Variants in BICD1 observed in about 807,000 individuals in gnomAD.
BICD1 encodes the protein protein bicaudal D homolog 1.
Under a neutral mutation model 92.5 loss-of-function variants are expected in BICD1, and 35 were observed. The ratio of observed to expected loss-of-function variants is 0.38; its 90% CI spans 0.29 to 0.50. The LOEUF is 0.50. BICD1 is among the 20% of genes least tolerant of loss of function. BICD1 has a pLI of 0.93. For synonymous variants in BICD1, 429 were observed against 465.1 expected (o/e 0.92, Z 1.00); for missense variants, 950 against 1,189.8 (o/e 0.80, Z 2.97).
intron 1 of BICD1, among the ~76,000 whole-genome samples, chr12:32,116,510 C>CTCTCTA (rs1233964108): frequency 1.8e-4 from 19 of 104,402 alleles, no homozygotes; most frequent in South Asian, 6.7e-4. Context: ...CTCTCTCTCT[C>CTCTCTA]TATATATATA....
chr12:32,132,412 T>C (rs943301831), intron 1 of BICD1, among the ~76,000 whole-genome samples: 1 of 101,122 alleles, frequency 9.9e-6, no homozygotes, highest in African/African-American at 2.9e-5. Flanking sequence ...CGAGACTCTG[T>C]CTCAAAAAAA....
chr12:32,107,689 A>G, intron 1 of BICD1, 145 bp downstream of exon 1: 1 of 935,314 alleles, frequency 1.1e-6, no homozygotes, highest in Non-Finnish European at 1.7e-6. Flanking sequence ...AGAAGATTGA[A>G]AGAGTCCATT....
chr12:32,366,430 A>G (rs1939527128), intron 8 of BICD1, among the ~76,000 whole-genome samples: 1 of 152,162 alleles, frequency 6.6e-6, no homozygotes, highest in African/African-American at 2.4e-5. Flanking sequence ...GACCAGCCTG[A>G]CCAATATGGT....
rs770418190 is a variant in BICD1 at position 32,306,003 on chromosome 12, C to A, written c.886C>A (p.Leu296Met). The change falls in exon 4 of 10, where the codon CTG becomes ATG. Residue 296 changes from leucine (L) to methionine (M), a missense_variant. Leu to Met is a conservative substitution (Grantham distance 15). Around this residue, in one of 5 missense-constraint regions of BICD1, gnomAD observed 246 missense variants for 258.4 expected, o/e 0.95. Transcript: ENST00000652176. ...NGHIHGPLVK[L>M]NGDYRTPTLR... ...TCATATCCATGGGCCTCTTGTGAAA[C>A]TGAATGGAGACTATCGGACTCCCAC... 2.5e-6 allele frequency: 4 copies of A among 1,614,146 alleles called. No homozygotes were observed. Among genetic ancestry groups the A allele is most frequent in the Non-Finnish European group, 3.4e-6 (4 of 1,180,032 alleles).
chr12:32,231,253 T>A (rs781559825), intron 2 of BICD1, among the ~76,000 whole-genome samples: 7 of 151,986 alleles, frequency 4.6e-5, no homozygotes, highest in Non-Finnish European at 7.4e-5. Flanking sequence ...GAGGTCAAGG[T>A]GAGTGGATCA....
At position 32,294,107 on chromosome 12, in the gene BICD1, C is replaced by A; in HGVS notation, c.540C>A (p.Ile180=). The A allele has an allele frequency of 6.2e-7, 1 of 1,608,012 alleles. No homozygotes were observed. Among genetic ancestry groups the A allele is most frequent in the Non-Finnish European group, 8.5e-7 (1 of 1,178,754 alleles). Residue 180 remains isoleucine, a synonymous_variant, in exon 3 of 10, where the codon ATC becomes ATA. Transcript: ENST00000652176. The part of the protein sequence containing the change: ...QDYTELEEEN[I]TLQKLVSTLK... ...ATACTGAATTGGAAGAAGAAAATAT[C>A]ACATTGCAGAAACTAGTGTCCACGT...
Position 32,188,328 on chromosome 12 carries a change from C to T in BICD1, c.214-27919C>T, listed in dbSNP as rs116319568. Among the ~76,000 whole-genome samples, 656 of 152,268 alleles carry T rather than the reference C, an allele frequency of 4.3e-3. 2 individuals are homozygous for T. Among genetic ancestry groups the T allele is most frequent in the African/African-American group, 0.015 (625 of 41,542 alleles). On this transcript the variant is annotated intron_variant, in intron 1 of 9. Coordinates refer to ENST00000652176, the MANE Select transcript of BICD1 (RefSeq NM_001714.4). ...TATTTTTCCAACTAGCACAACACTT[C>T]AGATAGTTTATATATTGGTGAGATT...
chr12:32,340,315 G>C (rs1358179315), intron 8 of BICD1: 1 of 985,230 alleles, frequency 1.0e-6, no homozygotes, highest in Non-Finnish European at 1.2e-6. Flanking sequence ...AAGAAAAAAA[G>C]TAAAAACTGC....
At chr12:32,131,316 C>T (rs182683887) in intron 1 of BICD1, among the ~76,000 whole-genome samples, 26 of 152,158 alleles carry the variant, frequency 1.7e-4, no homozygotes, top group African/African-American at 6.3e-4. Flanking sequence ...TCTTCTCGGT[C>T]TTGAAAAGAT....
intron 4 of BICD1, among the ~76,000 whole-genome samples, chr12:32,306,449 T>C (rs1213475876): frequency 1.3e-5 from 2 of 151,940 alleles, no homozygotes; most frequent in Non-Finnish European, 2.9e-5. Context: ...TTTCACCGTA[T>C]TAGCCAGGAT....
chr12:32,352,932 C>T (rs1938952003), intron 8 of BICD1: 1 of 152,220 alleles, frequency 6.6e-6, no homozygotes, highest in Non-Finnish European at 1.5e-5. Flanking sequence ...CCGTTTGCTT[C>T]TGGCCAAGCT....
intron 3 of BICD1, among the ~76,000 whole-genome samples, chr12:32,303,074 A>G (rs949580008): frequency 9.2e-5 from 14 of 151,730 alleles, no homozygotes; most frequent in African/African-American, 3.1e-4. Flanking sequence ...AGCTGGGACT[A>G]TAGGTGCACG....
chr12:32,302,909 A>G (rs1370846192), intron 3 of BICD1, among the ~76,000 whole-genome samples: 2 of 99,928 alleles, frequency 2.0e-5, no homozygotes, highest in Admixed American at 1.1e-4. Context: ...CCTTAGAGGC[A>G]TCTTTTGTAC....
chr12:32,240,479 G>T (rs117826035), intron 2 of BICD1, among the ~76,000 whole-genome samples: 2 of 152,272 alleles, frequency 1.3e-5, no homozygotes, highest in African/African-American at 4.8e-5. Context: ...GCCAGCAGCC[G>T]TGTAGCATCT....
At chr12:32,201,605 G>C (rs1428141502) in intron 1 of BICD1, among the ~76,000 whole-genome samples, 1 of 152,064 alleles carries the variant, frequency 6.6e-6, no homozygotes, top group African/African-American at 2.4e-5. Flanking sequence ...TGAGGACCCA[G>C]AATATAACTT....
At chr12:32,306,420 A>ATT (rs1464180699) in intron 4 of BICD1, among the ~76,000 whole-genome samples, 3 of 151,412 alleles carry the variant, frequency 2.0e-5, no homozygotes, top group Non-Finnish European at 4.4e-5. Context: ...ATTTTTTTGT[A>ATT]TTTTTAGTAG....
intron 1 of BICD1, among the ~76,000 whole-genome samples, chr12:32,144,217 A>G (rs1169566382): frequency 6.6e-6 from 1 of 152,216 alleles, no homozygotes; most frequent in Non-Finnish European, 1.5e-5. Context: ...ATTGTCTTTC[A>G]TAATTAGTTC....
intron 1 of BICD1, among the ~76,000 whole-genome samples, chr12:32,138,638 TTAAA>T (rs1942808166): frequency 6.6e-6 from 1 of 152,232 alleles, no homozygotes; most frequent in South Asian, 2.1e-4. Flanking sequence ...ACACTTTACT[TTAAA>T]TAGGCTTTGT....
intron 1 of BICD1, among the ~76,000 whole-genome samples, chr12:32,117,659 T>C (rs1489037544): frequency 6.7e-6 from 1 of 150,206 alleles, no homozygotes; most frequent in Admixed American, 6.7e-5. Flanking sequence ...CATGACTTTA[T>C]ATTTTGTCAT....
Sources: allele counts gnomAD v4.1 joint callset (sites outside exome capture counted in the v4.1 genomes callset), GRCh38; gene constraint gnomAD v4.1.1; regional missense constraint gnomAD v4.1.1; transcripts MANE v1.5; gene names NCBI Gene and HGNC (gene_info 2026-07-23, HGNC 2026-07-21).